Variants in HEXA observed in about 807,000 individuals in gnomAD.
HEXA encodes the protein beta-hexosaminidase subunit alpha.
HEXA carries 54 observed loss-of-function variants against 73.3 expected under a neutral mutation model. That is an observed-to-expected ratio of 0.74 (90% confidence interval 0.59 to 0.92). The LOEUF is 0.92. Among genes scored for constraint, HEXA ranks in the 40% least tolerant of loss-of-function variants. The pLI is 0.00. For synonymous variants in HEXA, 230 were observed against 246.9 expected (o/e 0.93, Z 0.64); for missense variants, 649 against 653.0 (o/e 0.99, Z 0.07).
At chr15:72,372,903 C>T (rs2089012199) in intron 1 of HEXA, among the ~76,000 whole-genome samples, 1 of 152,214 alleles carries the variant, frequency 6.6e-6, no homozygotes, top group Non-Finnish European at 1.5e-5. Flanking sequence ...TAGGCCAAAG[C>T]AGGGGGATCA....
chr15:72,375,396 C>T lies in HEXA; in HGVS notation c.253+324G>A, dbSNP rs532346060. On this transcript the variant is annotated intron_variant, in intron 1 of 13. Transcript: ENST00000268097. ...TTTGCATAGTTCTTGTATTATGTCTCCCCAATTTTGAGTGTTTTCTCTGGT... is the reference window on the plus strand; with the variant it reads ...TTTGCATAGTTCTTGTATTATGTCTTCCCAATTTTGAGTGTTTTCTCTGGT... Among the ~76,000 whole-genome samples, 18 of 152,266 alleles carry T rather than the reference C, an allele frequency of 1.2e-4. No homozygotes were observed. In the South Asian group the frequency reaches 2.3e-3, roughly 19 times the overall value.
At chr15:72,352,447 C>CAAAAAAAAA (rs540544720) in intron 5 of HEXA, among the ~76,000 whole-genome samples, 3 of 67,134 alleles carry the variant, frequency 4.5e-5, no homozygotes, top group Non-Finnish European at 1.1e-4. Flanking sequence ...ACAAAAAATA[C>CAAAAAAAAA]AAAAAAAAAA....
In HEXA at chr15:72,365,971, T is replaced by C. The variant is rs80300452; in HGVS notation, c.254-9354A>G. Among the ~76,000 whole-genome samples, 812 of 152,300 alleles carry C rather than the reference T, an allele frequency of 5.3e-3. 6 individuals carry two copies. The highest frequency in any genetic ancestry group is 0.019 in the African/African-American group (780 of 41,550). On this transcript the variant is annotated intron_variant, in intron 1 of 13. Transcript: ENST00000268097. ...TTTTTATACATGTTGCTTCCTCTTC[T>C]CCACCAGACCACCTGTGTACTACAT...
chr15:72,357,769 C>G (rs1567301250), intron 1 of HEXA: 1 of 152,154 alleles, frequency 6.6e-6, no homozygotes, highest in Non-Finnish European at 1.5e-5. Flanking sequence ...CTCACGGAAG[C>G]CTGCTCAGAC....
At chr15:72,347,064 C>A (rs1485405608) in intron 10 of HEXA, among the ~76,000 whole-genome samples, 2 of 151,188 alleles carry the variant, frequency 1.3e-5, no homozygotes, top group Non-Finnish European at 3.0e-5. Flanking sequence ...CCTGAAGAGT[C>A]CTTGCATGTG....
chr15:72,369,161 G>A (rs1417986786), intron 1 of HEXA, among the ~76,000 whole-genome samples: 3 of 152,222 alleles, frequency 2.0e-5, no homozygotes, highest in Non-Finnish European at 4.4e-5. Flanking sequence ...GCCACAGCTT[G>A]AAACAGGAAC....
At position 72,342,726 on chromosome 15, in the gene HEXA, G is replaced by C. The variant is rs1192841117; in HGVS notation, c.*1351C>G. On this transcript the variant is annotated 3_prime_UTR_variant, in exon 14 of 14. Coordinates refer to ENST00000268097, the MANE Select transcript of HEXA (RefSeq NM_000520.6). ...GCTTTGGGCTGAAAATGGTTGGGAGGAGGGGGATGGAAGTCGCCTACGTTA... is the reference window on the plus strand; with the variant it reads ...GCTTTGGGCTGAAAATGGTTGGGAGCAGGGGGATGGAAGTCGCCTACGTTA... The C allele has an allele frequency of 6.6e-6, 1 of 152,296 alleles. No homozygotes were observed. The highest frequency in any genetic ancestry group is 2.4e-5 in the African/African-American group (1 of 41,464). The allele number at this position is 152,296 out of a possible 1,614,324, so 9.4% of individuals were successfully genotyped here.
intron 7 of HEXA, 138 bp downstream of exon 7, chr15:72,350,380 T>A (rs542859034): frequency 1.1e-6 from 1 of 908,232 alleles, no homozygotes; most frequent in South Asian, 1.3e-5. Context: ...CTATCTAAAT[T>A]CCCAGGTGGA....
chr15:72,356,840 C>T (rs554258062), intron 1 of HEXA: 7 of 655,612 alleles, frequency 1.1e-5, no homozygotes, highest in South Asian at 8.4e-5. Context: ...TGTCTGAATG[C>T]TCTGGGTGAC....
chr15:72,345,277 T>C (rs1170208420), intron 13 of HEXA, 169 bp downstream of exon 13: 39 of 1,332,102 alleles, frequency 2.9e-5, no homozygotes, highest in East Asian at 5.1e-5. Context: ...GTTGTATTTT[T>C]TTTTTCCTGA....
chr15:72,346,925 G>A (rs191325581), intron 10 of HEXA: 740 of 578,490 alleles, frequency 1.3e-3, no homozygotes, highest in Non-Finnish European at 1.5e-3. Flanking sequence ...TCTCCTCCCC[G>A]TCCCTCTGCA....
chr15:72,351,524 T>A (rs1207704140), intron 5 of HEXA: 2 of 498,534 alleles, frequency 4.0e-6, no homozygotes, highest in Non-Finnish European at 7.3e-6. Context: ...AGAGGAGGGC[T>A]GCAGCTACTG....
intron 1 of HEXA, among the ~76,000 whole-genome samples, chr15:72,361,075 C>CT (rs1227706747): frequency 6.6e-6 from 1 of 152,198 alleles, no homozygotes; most frequent in African/African-American, 2.4e-5. Flanking sequence ...TCAAGGGACT[C>CT]TTTTCAATTC....
At chr15:72,345,380 T>C (rs1252221121) in intron 13 of HEXA, 66 bp downstream of exon 13, 1 of 1,606,236 alleles carries the variant, frequency 6.2e-7, no homozygotes, top group Admixed American at 1.7e-5. Flanking sequence ...TCTTCCTCTC[T>C]CTAAGGGGTT....
intron 1 of HEXA, among the ~76,000 whole-genome samples, chr15:72,369,421 G>A (rs1289344485): frequency 2.6e-5 from 4 of 152,182 alleles, no homozygotes. Flanking sequence ...ACCTCTTGAG[G>A]ATGATGCAAA....
intron 8 of HEXA, 74 bp from the exon 9 acceptor site, chr15:72,348,208 GCC>G (rs1595798478): frequency 1.0e-6 from 1 of 989,902 alleles, no homozygotes; most frequent in African/African-American, 1.6e-5. Flanking sequence ...TAGTCACCTG[GCC>G]CCCTATAACT....
In HEXA at chr15:72,346,705, C is replaced by T; in HGVS notation, c.1152G>A (p.Gln384=). Residue 384 remains glutamine, a synonymous_variant, in exon 11 of 14, where the codon CAG becomes CAA. Transcript: ENST00000268097. The stretch of plus-strand genomic sequence containing the variant: ...GCCACACCTGTATGATTGTGTCTGG[C>T]TGAATCTGTTATAAAAGGTCAAATG... ...QEVFDNKVKI[Q]PDTIIQVWRE... The T allele has an allele frequency of 6.2e-7, 1 of 1,614,048 alleles. No individual in the cohort carries two copies. The highest frequency in any genetic ancestry group is 2.2e-5 in the East Asian group (1 of 44,886).
chr15:72,373,173 G>A (rs2089015635), intron 1 of HEXA, among the ~76,000 whole-genome samples: 1 of 152,138 alleles, frequency 6.6e-6, no homozygotes, highest in South Asian at 2.1e-4. Flanking sequence ...TACTGGCCCA[G>A]AGCCTACAAA....
chr15:72,369,875 A>C (rs1031254058), intron 1 of HEXA: 1 of 152,164 alleles, frequency 6.6e-6, no homozygotes, highest in African/African-American at 2.4e-5. Context: ...ATTGTCAAAA[A>C]CCTTCCAATG....
Sources: allele counts gnomAD v4.1 joint callset (sites outside exome capture counted in the v4.1 genomes callset), GRCh38; gene constraint gnomAD v4.1.1; transcripts MANE v1.5; gene names NCBI Gene and HGNC (gene_info 2026-07-23, HGNC 2026-07-21).